Variants in TNFAIP8L3 observed in about 807,000 individuals in gnomAD.
TNFAIP8L3 encodes TNF alpha induced protein 8 like 3.
A neutral mutation model predicts 11.8 loss-of-function variants in TNFAIP8L3; 7 were observed. That is an observed-to-expected ratio of 0.59 (90% CI 0.34 to 1.11). The LOEUF is 1.11. TNFAIP8L3 is among the 50% of genes most tolerant of loss of function. The probability of loss-of-function intolerance (pLI) is 0.03; values close to 1 mark genes in which losing one functional copy is unlikely to be tolerated. For synonymous variants in TNFAIP8L3, 98 were observed against 103.8 expected, an observed-to-expected ratio of 0.94 and a Z score of 0.34; for missense variants, 219 against 258.6, an observed-to-expected ratio of 0.85 and a Z score of 1.05.
At chr15:51,082,467 G>A (rs1236654655) in intron 1 of TNFAIP8L3, among the ~76,000 whole-genome samples, 1 of 152,138 alleles carries the variant, frequency 6.6e-6, no homozygotes, top group Non-Finnish European at 1.5e-5. Flanking sequence ...AGTGAATGTG[G>A]AGGCCCAGGA....
At chr15:51,100,142 C>T (rs1474233545) in intron 1 of TNFAIP8L3, among the ~76,000 whole-genome samples, 3 of 152,142 alleles carry the variant, frequency 2.0e-5, no homozygotes, top group Non-Finnish European at 4.4e-5. Flanking sequence ...TGGGATGTAT[C>T]AAGTATTTGT....
At chr15:51,088,898 T>A (rs2065447783) in intron 1 of TNFAIP8L3, among the ~76,000 whole-genome samples, 1 of 152,208 alleles carries the variant, frequency 6.6e-6, no homozygotes, top group African/African-American at 2.4e-5. Flanking sequence ...CACTCAAGGT[T>A]ATTCCTAGTT....
At chr15:51,095,103 G>T (rs765629965), upstream of TNFAIP8L3, among the ~76,000 whole-genome samples, 5 of 152,130 alleles carry the variant, frequency 3.3e-5, no homozygotes, top group Non-Finnish European at 5.9e-5. Flanking sequence ...GCGCAGGAAA[G>T]GAGAGGTTCC....
intron 1 of TNFAIP8L3, among the ~76,000 whole-genome samples, chr15:51,067,162 G>C (rs981770171): frequency 6.6e-6 from 1 of 152,134 alleles, no homozygotes; most frequent in Non-Finnish European, 1.5e-5. Flanking sequence ...AAGGCATTTG[G>C]GAACACTTTA....
At chr15:51,066,867 C>G (rs2065275337) in intron 1 of TNFAIP8L3, among the ~76,000 whole-genome samples, 1 of 152,170 alleles carries the variant, frequency 6.6e-6, no homozygotes, top group Non-Finnish European at 1.5e-5. Flanking sequence ...TGAGTTGTTG[C>G]ATCTCCAGTG....
At chr15:51,074,333 A>G (rs2065334190) in intron 1 of TNFAIP8L3, among the ~76,000 whole-genome samples, 1 of 152,238 alleles carries the variant, frequency 6.6e-6, no homozygotes, top group African/African-American at 2.4e-5. Flanking sequence ...GTTTTTTGAC[A>G]ATAGCACATG....
At chr15:51,080,283 T>A (rs2065382090) in intron 1 of TNFAIP8L3, among the ~76,000 whole-genome samples, 1 of 152,160 alleles carries the variant, frequency 6.6e-6, no homozygotes, top group South Asian at 2.1e-4. Flanking sequence ...TTCCCAGGAG[T>A]TAAACACTAT....
chr15:51,087,389 A>G lies in TNFAIP8L3; in HGVS notation c.52+7155T>C, dbSNP rs578141766. 3.2e-4 allele frequency among the ~76,000 whole-genome samples: 48 copies of G among 152,286 alleles called. 1 individual carries two copies. The East Asian group carries it at 8.1e-3, about 26-fold the overall frequency. On this transcript the variant is annotated intron_variant, in intron 1 of 1. Transcript: ENST00000637513. Reference sequence around the variant, plus strand: ...TTCCCAGCATAACCCACAGGCTCCAAATCAGGAGTGTGGGATGTGTGTGCT... The same window carrying G: ...TTCCCAGCATAACCCACAGGCTCCAGATCAGGAGTGTGGGATGTGTGTGCT...
intron 1 of TNFAIP8L3, among the ~76,000 whole-genome samples, chr15:51,075,223 A>G (rs1259934748): frequency 6.6e-6 from 1 of 152,172 alleles, no homozygotes; most frequent in Non-Finnish European, 1.5e-5. Context: ...TGAACTAAGC[A>G]CAAGGTCCAC....
intron 1 of TNFAIP8L3, among the ~76,000 whole-genome samples, chr15:51,101,807 G>A (rs1274928552): frequency 7.9e-5 from 12 of 151,214 alleles, no homozygotes; most frequent in East Asian, 2.0e-4. Flanking sequence ...TTAGCGAGGC[G>A]TGATGGCGGG....
upstream of TNFAIP8L3, among the ~76,000 whole-genome samples, chr15:51,098,833 A>T (rs2065530779): frequency 6.6e-6 from 1 of 152,230 alleles, no homozygotes; most frequent in South Asian, 2.1e-4. Context: ...CTTTGATAAC[A>T]TGATTTTTAA....
At chr15:51,070,205 G>A (rs1246994154) in intron 1 of TNFAIP8L3, among the ~76,000 whole-genome samples, 3 of 152,164 alleles carry the variant, frequency 2.0e-5, no homozygotes, top group South Asian at 4.1e-4. Flanking sequence ...AAGCCACTGG[G>A]GGGTGAATCA....
chr15:51,057,582 T>A lies in TNFAIP8L3; in HGVS notation c.*299A>T. On this transcript the variant is annotated 3_prime_UTR_variant, in exon 2 of 2. Transcript: ENST00000637513. ...CCTCTGTCTCCTGGTTTAGTGCTCC[T>A]CCCACTCCATGAGATGAACAGCACT... 3.9e-6 allele frequency: 1 copy of A among 258,720 alleles called. No individual in the cohort carries two copies. 16.0% of individuals were successfully genotyped at this position (258,720 alleles called of 1,614,324 possible).
At chr15:51,082,519 C>T (rs1304547587) in intron 1 of TNFAIP8L3, among the ~76,000 whole-genome samples, 1 of 152,120 alleles carries the variant, frequency 6.6e-6, no homozygotes, top group East Asian at 1.9e-4. Flanking sequence ...CACTGTACAC[C>T]TAGGCTACAT....
intron 1 of TNFAIP8L3, among the ~76,000 whole-genome samples, chr15:51,084,223 C>A (rs966347521): frequency 5.9e-5 from 9 of 151,880 alleles, no homozygotes; most frequent in African/African-American, 1.2e-4. Context: ...TATGTATATA[C>A]GTACATACAG....
intron 1 of TNFAIP8L3, among the ~76,000 whole-genome samples, chr15:51,059,969 C>A (rs910118213): frequency 6.6e-6 from 1 of 152,214 alleles, no homozygotes; most frequent in Admixed American, 6.5e-5. Flanking sequence ...AAGTCTGAGA[C>A]CATAGAATCT....
chr15:51,064,917 T>TG (rs1222562718), intron 1 of TNFAIP8L3: 1 of 152,232 alleles, frequency 6.6e-6, no homozygotes, highest in Admixed American at 6.5e-5. Flanking sequence ...TGTTTATTAA[T>TG]GGGGAAACAC....
At chr15:51,100,620 T>TA (rs1350466155) in intron 1 of TNFAIP8L3, among the ~76,000 whole-genome samples, 1 of 152,190 alleles carries the variant, frequency 6.6e-6, no homozygotes, top group Non-Finnish European at 1.5e-5. Context: ...GAGCTAGTCT[T>TA]ACAGACACCT....
At chr15:51,079,169 G>T (rs1351190607) in intron 1 of TNFAIP8L3, among the ~76,000 whole-genome samples, 4 of 152,252 alleles carry the variant, frequency 2.6e-5, no homozygotes, top group African/African-American at 9.6e-5. Context: ...ACCTGCACCA[G>T]GCCTGGGTCC....
Sources: allele counts gnomAD v4.1 joint callset (sites outside exome capture counted in the v4.1 genomes callset), GRCh38; gene constraint gnomAD v4.1.1; transcripts MANE v1.5; gene names NCBI Gene and HGNC (gene_info 2026-07-23, HGNC 2026-07-21).